Variants in FARS2 observed in about 807,000 individuals in gnomAD.
FARS2 encodes the protein phenylalanine--tRNA ligase, mitochondrial.
Under a neutral mutation model 46.4 loss-of-function variants are expected in FARS2, and 40 were observed. That is an observed-to-expected ratio of 0.86 (90% CI 0.67 to 1.12). The LOEUF (loss-of-function observed/expected upper bound fraction) is 1.12. FARS2 is among the 50% of genes most tolerant of loss of function. The pLI, the probability that FARS2 is intolerant of heterozygous loss-of-function variation, is 0.00. For synonymous variants in FARS2, 234 were observed against 214.9 expected, an observed-to-expected ratio of 1.09 and a Z score of -0.78; for missense variants, 513 against 567.9, an observed-to-expected ratio of 0.90 and a Z score of 0.98.
At chr6:5,259,145 T>A (rs1764823013), upstream of FARS2, among the ~76,000 whole-genome samples, 1 of 152,252 alleles carries the variant, frequency 6.6e-6, no homozygotes, top group African/African-American at 2.4e-5. Context: ...ACCCTCTCCC[T>A]GCCACTTTCC....
chr6:5,543,092 T>C (rs1770731920), intron 4 of FARS2, among the ~76,000 whole-genome samples: 1 of 152,214 alleles, frequency 6.6e-6, no homozygotes, highest in South Asian at 2.1e-4. Context: ...ATTTTATATG[T>C]GACCAAATTA....
At chr6:5,293,064 A>T (rs144658044) in intron 1 of FARS2, among the ~76,000 whole-genome samples, 2 of 152,226 alleles carry the variant, frequency 1.3e-5, no homozygotes, top group Non-Finnish European at 2.9e-5. Context: ...TTGAGTAAAT[A>T]GGAGGGTATT....
chr6:5,354,013 CT>C (rs10712602), intron 1 of FARS2, among the ~76,000 whole-genome samples: 143,059 of 146,488 alleles, frequency 0.98, 69,868 homozygotes, highest in East Asian at 1. Context: ...GTGATAAAAT[CT>C]TTTTTTTTTT....
At chr6:5,250,566 G>A in the FARS2 span, among the ~76,000 whole-genome samples, 1 of 152,138 alleles carries the variant, frequency 6.6e-6, no homozygotes, top group African/African-American at 2.4e-5. Context: ...TAACAATAAT[G>A]AATAATCTTT....
At chr6:5,517,878 A>G (rs900393120) in intron 4 of FARS2, among the ~76,000 whole-genome samples, 2 of 152,216 alleles carry the variant, frequency 1.3e-5, no homozygotes, top group African/African-American at 4.8e-5. Context: ...AGTCCAGCCC[A>G]ATAGAAATAT....
At chr6:5,713,770 C>T (rs1026795320) in intron 6 of FARS2, among the ~76,000 whole-genome samples, 13 of 152,188 alleles carry the variant, frequency 8.5e-5, no homozygotes, top group Admixed American at 4.6e-4. Context: ...AGGAGGGTGG[C>T]GCTTTGAGCA....
chr6:5,621,849 C>A (rs1194903451), intron 6 of FARS2, among the ~76,000 whole-genome samples: 1 of 152,200 alleles, frequency 6.6e-6, no homozygotes, highest in Admixed American at 6.5e-5. Flanking sequence ...GGTCTAAGGG[C>A]CAGAGACCCT....
rs140689455 is a variant in FARS2 at position 5,516,783 on chromosome 6, T to A, written c.905-28397T>A. 4.1e-3 allele frequency among the ~76,000 whole-genome samples: 626 copies of A among 152,338 alleles called. 3 individuals carry two copies. The highest frequency in any genetic ancestry group is 0.014 in the African/African-American group (590 of 41,588). ...CTTTGCAATATAACTTTGCATTTTTTAATTAACCAAGGATATAATATGTTT... is the reference window on the plus strand; with the variant it reads ...CTTTGCAATATAACTTTGCATTTTTAAATTAACCAAGGATATAATATGTTT... On this transcript the variant is annotated intron_variant, in intron 4 of 6. Coordinates refer to ENST00000274680, the MANE Select transcript of FARS2 (RefSeq NM_006567.5).
At chr6:5,347,760 G>A (rs971247019) in intron 1 of FARS2, among the ~76,000 whole-genome samples, 1 of 152,142 alleles carries the variant, frequency 6.6e-6, no homozygotes, top group Non-Finnish European at 1.5e-5. Context: ...ATTTTACAAC[G>A]TCACCAACAA....
At chr6:5,477,916 A>C (rs1259254361) in intron 4 of FARS2, among the ~76,000 whole-genome samples, 1 of 152,100 alleles carries the variant, frequency 6.6e-6, no homozygotes, top group Non-Finnish European at 1.5e-5. Flanking sequence ...GCTACTTGTG[A>C]GGCTGAGGTG....
At chr6:5,351,112 A>G (rs1053831399) in intron 1 of FARS2, among the ~76,000 whole-genome samples, 4 of 152,196 alleles carry the variant, frequency 2.6e-5, no homozygotes, top group African/African-American at 9.7e-5. Context: ...GAGAGCATCA[A>G]GGCTATACTT....
At chr6:5,626,268 A>C (rs1022166083) in intron 6 of FARS2, among the ~76,000 whole-genome samples, 1 of 152,102 alleles carries the variant, frequency 6.6e-6, no homozygotes, top group African/African-American at 2.4e-5. Context: ...GGTCCAGATG[A>C]GGGTACGTAA....
chr6:5,502,702 A>G (rs1767871715), intron 4 of FARS2, among the ~76,000 whole-genome samples: 1 of 152,248 alleles, frequency 6.6e-6, no homozygotes, highest in African/African-American at 2.4e-5. Context: ...CATTTAGGTG[A>G]GACAAGTAAC....
At chr6:5,297,661 A>AT (rs1349687618) in intron 1 of FARS2, among the ~76,000 whole-genome samples, 2 of 104,526 alleles carry the variant, frequency 1.9e-5, no homozygotes, top group Non-Finnish European at 4.2e-5. Context: ...AAGCAAAAAA[A>AT]TAAAAAAAAA....
chr6:5,292,345 A>G (rs1767563227), intron 1 of FARS2, among the ~76,000 whole-genome samples: 1 of 152,254 alleles, frequency 6.6e-6, no homozygotes, highest in Admixed American at 6.5e-5. Context: ...GGCCAGAGGC[A>G]TGTGTGTGAA....
chr6:5,618,941 T>C (rs1381412228), intron 6 of FARS2, among the ~76,000 whole-genome samples: 3 of 152,226 alleles, frequency 2.0e-5, no homozygotes. Context: ...TGATATCCCC[T>C]CCATCACATT....
intron 6 of FARS2, among the ~76,000 whole-genome samples, chr6:5,667,531 A>AAAAGATT (rs1554123159): frequency 1.3e-5 from 2 of 150,584 alleles, no homozygotes; most frequent in South Asian, 4.2e-4. Context: ...AAAAAAAAAA[A>AAAAGATT]AAGATTATAT....
At chr6:5,388,094 T>C (rs1760254775) in intron 2 of FARS2, among the ~76,000 whole-genome samples, 1 of 152,300 alleles carries the variant, frequency 6.6e-6, no homozygotes, top group African/African-American at 2.4e-5. Context: ...CTAAACTCTC[T>C]TGCTATGACC....
intron 5 of FARS2, among the ~76,000 whole-genome samples, chr6:5,593,450 A>T (rs1334314824): frequency 6.6e-6 from 1 of 152,162 alleles, no homozygotes; most frequent in Non-Finnish European, 1.5e-5. Context: ...AACTGAAATG[A>T]TGAGCCAGTG....
Sources: gnomAD v4.1 joint callset for allele counts (sites outside exome capture counted in the v4.1 genomes callset) on GRCh38, gnomAD v4.1.1 for gene constraint, MANE v1.5 for transcripts, NCBI Gene and HGNC (gene_info 2026-07-23, HGNC 2026-07-21) for gene names.